CAMKMT: variants seen among roughly 807,000 people sequenced by gnomAD.
CAMKMT encodes CaM KMT.
In CAMKMT, 53 loss-of-function variants were observed where a neutral mutation model predicts 48.0. The observed-to-expected ratio is 1.10, with a 90% confidence interval of 0.89 to 1.39. The LOEUF is 1.39. Among genes scored for constraint, CAMKMT ranks in the 40% most tolerant of loss-of-function variants. The pLI is 0.00. For synonymous variants in CAMKMT, 165 were observed against 152.3 expected, an observed-to-expected ratio of 1.08 and a Z score of -0.61; for missense variants, 428 against 402.7, an observed-to-expected ratio of 1.06 and a Z score of -0.54.
At chr2:44,677,880 A>G (rs1172658647) in intron 3 of CAMKMT, among the ~76,000 whole-genome samples, 1 of 152,034 alleles carries the variant, frequency 6.6e-6, no homozygotes, top group Non-Finnish European at 1.5e-5. Context: ...TGTGTGTGAG[A>G]GTCAATGTGT....
chr2:44,466,892 C>G (rs1454809635), intron 3 of CAMKMT, among the ~76,000 whole-genome samples: 1 of 152,140 alleles, frequency 6.6e-6, no homozygotes, highest in African/African-American at 2.4e-5. Context: ...CACAGCAACA[C>G]ATTTGATAAC....
intron 3 of CAMKMT, among the ~76,000 whole-genome samples, chr2:44,505,237 G>GT (rs1049058783): frequency 1.4e-4 from 21 of 150,978 alleles, no homozygotes; most frequent in African/African-American, 2.4e-4. Context: ...CTTTCTAATT[G>GT]TTTTTTTTTA....
At chr2:44,590,312 A>G (rs1378426278) in intron 3 of CAMKMT, among the ~76,000 whole-genome samples, 2 of 152,310 alleles carry the variant, frequency 1.3e-5, no homozygotes, top group African/African-American at 4.8e-5. Flanking sequence ...CAGTTTTCTC[A>G]AAGAGTTTGA....
intron 8 of CAMKMT, 123 bp downstream of exon 8, chr2:44,743,819 C>T (rs978165724): frequency 3.1e-6 from 2 of 644,986 alleles, no homozygotes; most frequent in Non-Finnish European, 5.5e-6. Flanking sequence ...CCACCTTAAC[C>T]TCAACAAATT....
chr2:44,733,954 C>CCTTTTTT (rs1679218606), intron 7 of CAMKMT, among the ~76,000 whole-genome samples: 1 of 152,064 alleles, frequency 6.6e-6, no homozygotes, highest in Non-Finnish European at 1.5e-5. Flanking sequence ...ATATCTTCTC[C>CCTTTTTT]CTTTTTTCCT....
chr2:44,492,939 G>A (rs1047225023), intron 3 of CAMKMT, among the ~76,000 whole-genome samples: 13 of 150,780 alleles, frequency 8.6e-5, no homozygotes, highest in Non-Finnish European at 1.8e-4. Context: ...TGTCGCCCAG[G>A]CTAGAGTGCA....
At chr2:44,749,113 G>T (rs969480034) in intron 8 of CAMKMT, among the ~76,000 whole-genome samples, 1 of 152,142 alleles carries the variant, frequency 6.6e-6, no homozygotes, top group Non-Finnish European at 1.5e-5. Context: ...CATTCTGGAC[G>T]TGGTTTCTAG....
chr2:44,611,234 C>T (rs1180685770), intron 3 of CAMKMT, among the ~76,000 whole-genome samples: 6 of 152,038 alleles, frequency 3.9e-5, no homozygotes, highest in Non-Finnish European at 8.8e-5. Flanking sequence ...GAGTTGGAGA[C>T]CAACCTGGCC....
chr2:44,429,034 A>T (rs1440962223), intron 3 of CAMKMT, among the ~76,000 whole-genome samples: 2 of 152,202 alleles, frequency 1.3e-5, no homozygotes, highest in Non-Finnish European at 2.9e-5. Context: ...GGTTGGAATC[A>T]TCTTTGTTCC....
chr2:44,482,598 A>G (rs1008242655), intron 3 of CAMKMT, among the ~76,000 whole-genome samples: 1 of 152,142 alleles, frequency 6.6e-6, no homozygotes, highest in Non-Finnish European at 1.5e-5. Context: ...ACATAGTTCT[A>G]TTTTGAGTAA....
chr2:44,472,991 G>T (rs991824997), intron 3 of CAMKMT, among the ~76,000 whole-genome samples: 2 of 152,152 alleles, frequency 1.3e-5, no homozygotes, highest in Non-Finnish European at 1.5e-5. Flanking sequence ...CGGGAGAGAG[G>T]AAAGATAGTG....
intron 4 of CAMKMT, among the ~76,000 whole-genome samples, chr2:44,704,901 G>A (rs1677467745): frequency 6.6e-6 from 1 of 151,066 alleles, no homozygotes; most frequent in African/African-American, 2.4e-5. Flanking sequence ...TCAACTGTTA[G>A]TGTGCATTAC....
intron 3 of CAMKMT, among the ~76,000 whole-genome samples, chr2:44,500,007 T>G (rs937210733): frequency 6.6e-6 from 1 of 152,228 alleles, no homozygotes; most frequent in Non-Finnish European, 1.5e-5. Context: ...ATCCTAGATT[T>G]ATGAAATTTC....
At chr2:44,420,579 ATT>A (rs1333969364) in intron 3 of CAMKMT, among the ~76,000 whole-genome samples, 1 of 151,168 alleles carries the variant, frequency 6.6e-6, no homozygotes, top group Non-Finnish European at 1.5e-5. Flanking sequence ...ATATATATAT[ATT>A]TTTTTCTCTT....
intron 3 of CAMKMT, among the ~76,000 whole-genome samples, chr2:44,601,012 G>A (rs969818696): frequency 6.6e-6 from 1 of 151,916 alleles, no homozygotes; most frequent in Admixed American, 6.6e-5. Context: ...CCTAAATTTA[G>A]GGAGGGAATA....
Position 44,674,759 on chromosome 2 carries a change from G to A in CAMKMT, c.377-29524G>A, listed in dbSNP as rs535311457. Among the ~76,000 whole-genome samples, 29 of 152,294 alleles carry A rather than the reference G, an allele frequency of 1.9e-4. No homozygotes were observed. The South Asian group carries it at 5.8e-3, about 30-fold the overall frequency. ...AAGCTGAGTAAGTGCTAACTTGCTTGCAAGCAAGATTTGAAGCTGATAAAC... is the reference window on the plus strand; with the variant it reads ...AAGCTGAGTAAGTGCTAACTTGCTTACAAGCAAGATTTGAAGCTGATAAAC... On this transcript the variant is annotated intron_variant, in intron 3 of 10. Transcript: ENST00000378494.
intron 1 of CAMKMT, among the ~76,000 whole-genome samples, chr2:44,363,717 CCTTA>C (rs1429113244): frequency 3.1e-4 from 44 of 143,084 alleles, no homozygotes; most frequent in African/African-American, 1.1e-3. Context: ...CGATACAGAG[CCTTA>C]CTGTGTTGCC....
At chr2:44,734,981 G>GT (rs1168672034) in intron 7 of CAMKMT, among the ~76,000 whole-genome samples, 1 of 152,062 alleles carries the variant, frequency 6.6e-6, no homozygotes, top group African/African-American at 2.4e-5. Flanking sequence ...TTTCATCTGT[G>GT]TTTTTTTGTA....
intron 3 of CAMKMT, among the ~76,000 whole-genome samples, chr2:44,404,888 T>C (rs1285222138): frequency 6.6e-6 from 1 of 152,118 alleles, no homozygotes; most frequent in East Asian, 1.9e-4. Context: ...AAAGATGTTA[T>C]GTATAATATT....
Sources: gnomAD v4.1 joint callset for allele counts (sites outside exome capture counted in the v4.1 genomes callset) on GRCh38, gnomAD v4.1.1 for gene constraint, MANE v1.5 for transcripts, NCBI Gene and HGNC (gene_info 2026-07-23, HGNC 2026-07-21) for gene names.